The following CDH4 variants were observed in gnomAD, a reference collection of about 807,000 sequenced individuals.
CDH4 encodes the protein cadherin 4, also known as cadherin-4.
In CDH4, 33 loss-of-function variants were observed where a neutral mutation model predicts 86.0. That is an observed-to-expected ratio of 0.38 (90% CI 0.29 to 0.51). CDH4 has a LOEUF of 0.51. Ranked by LOEUF, CDH4 falls within the 20% of genes least tolerant of loss-of-function variation. The probability of loss-of-function intolerance (pLI) is 0.86; values close to 1 mark genes in which losing one functional copy is unlikely to be tolerated. For synonymous variants in CDH4, 555 were observed against 549.4 expected (o/e 1.01, Z -0.14); for missense variants, 1,114 against 1,307.4 (o/e 0.85, Z 2.28).
rs549910218 is a variant in CDH4, at chr20:61,257,608, C to T, written c.169+2671C>T. ...CTGTACTTTTGTTTTTAGGATAATT[C>T]ACTTATGGCCCTGATCACTGATGCA... On this transcript the variant is annotated intron_variant, in intron 2 of 15. Transcript: ENST00000614565. 5.9e-5 allele frequency among the ~76,000 whole-genome samples: 9 copies of T among 152,348 alleles called. No individual in the cohort carries two copies. The South Asian group carries it at 1.9e-3, about 32-fold the overall frequency.
intron 2 of CDH4, among the ~76,000 whole-genome samples, chr20:61,697,602 C>T (rs566976645): frequency 3.7e-4 from 56 of 152,122 alleles, no homozygotes; most frequent in African/African-American, 8.9e-4. Context: ...CATCTCGGGG[C>T]GGGGGGAACA....
intron 2 of CDH4, among the ~76,000 whole-genome samples, chr20:61,376,497 A>T (rs981488652): frequency 6.6e-6 from 1 of 152,150 alleles, no homozygotes; most frequent in Non-Finnish European, 1.5e-5. Context: ...AACCTGCAGC[A>T]GGGACTGAGA....
intron 2 of CDH4, among the ~76,000 whole-genome samples, chr20:61,509,694 G>A (rs559504201): frequency 2.0e-5 from 3 of 152,094 alleles, no homozygotes; most frequent in South Asian, 4.2e-4. Context: ...GGACAGGAGT[G>A]GCAGAGTCCA....
chr20:61,455,157 C>G (rs1353229011), intron 2 of CDH4, among the ~76,000 whole-genome samples: 3 of 152,162 alleles, frequency 2.0e-5, no homozygotes, highest in Non-Finnish European at 4.4e-5. Flanking sequence ...AGTGTTACAT[C>G]TCCACAAGCA....
rs991973491 is a variant in CDH4 at position 61,518,341 on chromosome 20, G to A, written c.170-225222G>A. ...ACCACCTCTTCCCTATGCTAAGTCTGTTCCACCTAAAGGAAAGGTACGTTA... is the reference window on the plus strand; with the variant it reads ...ACCACCTCTTCCCTATGCTAAGTCTATTCCACCTAAAGGAAAGGTACGTTA... On this transcript the variant is annotated intron_variant, in intron 2 of 15. Transcript: ENST00000614565. This position sits in a 1 kb window ranked among gnomAD's most constrained non-coding sequence, Gnocchi z 6.3. Among the ~76,000 whole-genome samples the A allele has an allele frequency of 2.0e-5, 3 of 152,116 alleles. No homozygotes were observed. Among genetic ancestry groups the A allele is most frequent in the Non-Finnish European group, 4.4e-5 (3 of 68,036 alleles).
At chr20:61,520,207 A>T (rs2085858621) in intron 2 of CDH4, among the ~76,000 whole-genome samples, 1 of 152,128 alleles carries the variant, frequency 6.6e-6, no homozygotes, top group Non-Finnish European at 1.5e-5. Context: ...AGGCGGGGTG[A>T]TAGTAGTACC....
At chr20:61,656,694 C>T (rs115619004) in intron 2 of CDH4, among the ~76,000 whole-genome samples, 1,967 of 152,302 alleles carry the variant, frequency 0.013, 25 homozygotes, top group African/African-American at 0.044. Context: ...CATTCTGCAT[C>T]GAACTGAACC....
rs1307406147 is a variant in CDH4 at position 61,260,888 on chromosome 20, A to G, written c.169+5951A>G. Among the ~76,000 whole-genome samples, 7 of 152,208 alleles carry G rather than the reference A, an allele frequency of 4.6e-5. No homozygotes were observed. The East Asian group carries it at 1.3e-3, about 29-fold the overall frequency. On this transcript the variant is annotated intron_variant, in intron 2 of 15. Coordinates refer to ENST00000614565, the MANE Select transcript of CDH4 (RefSeq NM_001794.5). The stretch of plus-strand genomic sequence containing the variant: ...ATCCTGTCTTTAGAAAGTGGTTGCT[A>G]TCAGATAAAAGGTAGGAGCGGCCCA...
At chr20:61,338,452 G>T (rs144746674) in intron 2 of CDH4, among the ~76,000 whole-genome samples, 3 of 152,254 alleles carry the variant, frequency 2.0e-5, no homozygotes, top group Non-Finnish European at 2.9e-5. Flanking sequence ...TTTTCTCACC[G>T]TGAAGACTCG....
chr20:61,482,591 C>A (rs922742051), intron 2 of CDH4, among the ~76,000 whole-genome samples: 1 of 152,132 alleles, frequency 6.6e-6, no homozygotes, highest in African/African-American at 2.4e-5. Flanking sequence ...GTTTTTTGCC[C>A]TTCCTCTCCT....
At chr20:61,304,984 G>A (rs942897268) in intron 2 of CDH4, among the ~76,000 whole-genome samples, 1 of 151,974 alleles carries the variant, frequency 6.6e-6, no homozygotes, top group Non-Finnish European at 1.5e-5. Context: ...GTGCGTGGGT[G>A]TGTGTACAGT....
chr20:61,518,037 T>C lies in CDH4; in HGVS notation c.170-225526T>C, dbSNP rs1363841997. On this transcript the variant is annotated intron_variant, in intron 2 of 15. Transcript: ENST00000614565. The surrounding 1 kb of genome is among the most constrained non-coding windows in gnomAD (Gnocchi z 6.3). ...GGAGGATGCCTCAGCCCAGGTTACC[T>C]GATCCCTTTTCAGGCGCTATTTTCC... 2.0e-5 allele frequency among the ~76,000 whole-genome samples: 3 copies of C among 152,120 alleles called. No homozygotes were observed. Among genetic ancestry groups the C allele is most frequent in the African/African-American group, 7.2e-5 (3 of 41,430 alleles).
rs1264029351 is a variant in CDH4 at position 61,940,328 on chromosome 20, G to A, written c.*3385G>A. 2.0e-5 allele frequency: 3 copies of A among 152,250 alleles called. No individual in the cohort carries two copies. In the East Asian group the frequency reaches 5.8e-4, roughly 29 times the overall value. The allele number at this position is 152,250 out of a possible 1,614,324, so 9.4% of individuals were successfully genotyped here. A position where few individuals can be genotyped will look rare whatever the true frequency, so the allele number is the denominator to read the frequency against. On this transcript the variant is annotated 3_prime_UTR_variant, in exon 16 of 16. Transcript: ENST00000614565. ...CCTGCATGAGCACAGTTGTTTTGGG[G>A]AAAGATACTGGAGTATGATGTACTC...
rs6061588 is a variant in CDH4, at chr20:61,507,389, G to A, written c.170-236174G>A. Among the ~76,000 whole-genome samples the A allele has an allele frequency of 2.0e-3, 302 of 152,278 alleles. 1 individual carries two copies. Among genetic ancestry groups the A allele is most frequent in the African/African-American group, 7.0e-3 (289 of 41,538 alleles). ...TATTTTTAGCTCTTATTGGAAGCCA[G>A]GAATCCAAATGGAGATGGAGGGTTT... On this transcript the variant is annotated intron_variant, in intron 2 of 15. Coordinates refer to ENST00000614565, the MANE Select transcript of CDH4 (RefSeq NM_001794.5).
intron 2 of CDH4, among the ~76,000 whole-genome samples, chr20:61,694,142 C>T: frequency 6.6e-6 from 1 of 152,104 alleles, no homozygotes; most frequent in East Asian, 1.9e-4. Context: ...GATCCACTCT[C>T]CTCAGCTATG....
chr20:61,497,890 C>A (rs903156100), intron 2 of CDH4, among the ~76,000 whole-genome samples: 4 of 151,874 alleles, frequency 2.6e-5, no homozygotes, highest in Non-Finnish European at 2.9e-5. Context: ...AAAAAGGATG[C>A]GTTCATGTCC....
intron 2 of CDH4, among the ~76,000 whole-genome samples, chr20:61,328,128 A>G (rs903623383): frequency 6.6e-6 from 1 of 152,078 alleles, no homozygotes; most frequent in African/African-American, 2.4e-5. Flanking sequence ...GTCTTTATTT[A>G]TGTGAATTAG....
chr20:61,786,655 T>C (rs1978897142), intron 4 of CDH4, among the ~76,000 whole-genome samples: 1 of 152,234 alleles, frequency 6.6e-6, no homozygotes, highest in African/African-American at 2.4e-5. Context: ...TATTGGAGAA[T>C]ATTCAATTCG....
At chr20:61,639,592 A>T (rs779549812) in intron 2 of CDH4, among the ~76,000 whole-genome samples, 8 of 152,194 alleles carry the variant, frequency 5.3e-5, no homozygotes, top group Non-Finnish European at 1.2e-4. Flanking sequence ...CCCGGAGTGC[A>T]ACATTATTGT....
Sources: gnomAD v4.1 joint callset for allele counts (sites outside exome capture counted in the v4.1 genomes callset) on GRCh38, gnomAD v4.1.1 for gene constraint, Gnocchi (gnomAD v3.1) non-coding constraint, MANE v1.5 for transcripts, NCBI Gene and HGNC (gene_info 2026-07-23, HGNC 2026-07-21) for gene names.